The following SYNE2 variants were observed in gnomAD, a reference collection of about 807,000 sequenced individuals.
SYNE2 encodes spectrin repeat containing nuclear envelope protein 2.
In SYNE2, 431 loss-of-function variants were observed where a neutral mutation model predicts 856.3. That is an observed-to-expected ratio of 0.50 (90% confidence interval 0.47 to 0.55). The LOEUF (loss-of-function observed/expected upper bound fraction) is 0.55, where lower values mean the gene tolerates loss of function less well. SYNE2 is among the 20% of genes least tolerant of loss of function. SYNE2 has a pLI of 0.00. For missense variants in SYNE2, 8,129 were observed against 8,023.2 expected (o/e 1.01, Z -0.50); for synonymous variants, 2,923 against 2,872.3 (o/e 1.02, Z -0.56).
At chr14:63,776,197 A>T (rs970080490) in intron 1 of SYNE2, among the ~76,000 whole-genome samples, 3 of 152,232 alleles carry the variant, frequency 2.0e-5, no homozygotes, top group Non-Finnish European at 4.4e-5. Flanking sequence ...CAACAATCAG[A>T]TAAATTATTG....
At chr14:64,085,872 GAGTTGTA>G (rs1237282469) in intron 57 of SYNE2, among the ~76,000 whole-genome samples, 1 of 152,102 alleles carries the variant, frequency 6.6e-6, no homozygotes, top group Non-Finnish European at 1.5e-5. Flanking sequence ...TCTTCTTGTT[GAGTTGTA>G]AGTTTTTTGT....
At chr14:64,085,958 TG>T (rs1463687656) in intron 57 of SYNE2, among the ~76,000 whole-genome samples, 1 of 152,222 alleles carries the variant, frequency 6.6e-6, no homozygotes, top group Non-Finnish European at 1.5e-5. Context: ...GTCTGCGGCT[TG>T]TCTTTTCATT....
At chr14:63,843,168 C>T (rs763771786) in intron 1 of SYNE2, among the ~76,000 whole-genome samples, 2 of 152,040 alleles carry the variant, frequency 1.3e-5, no homozygotes, top group Non-Finnish European at 2.9e-5. Flanking sequence ...TTTGGAGTAG[C>T]TGGGGCTATA....
intron 1 of SYNE2, among the ~76,000 whole-genome samples, chr14:63,826,076 A>C (rs558118336): frequency 4.1e-4 from 62 of 152,316 alleles, no homozygotes; most frequent in African/African-American, 1.3e-3. Flanking sequence ...CAAGGAACCC[A>C]GAATAGTGAA....
rs113437021 is a variant in SYNE2, at chr14:64,085,566, T to C, written c.11485-2105T>C. On this transcript the variant is annotated intron_variant, in intron 57 of 115. Coordinates refer to ENST00000555002, the MANE Select transcript of SYNE2 (RefSeq NM_182914.3). ...AAAGTAGGATCTCTGACTTTTACGATGTGTTTAAATAAATAATAAACTGAG... is the reference window on the plus strand; with the variant it reads ...AAAGTAGGATCTCTGACTTTTACGACGTGTTTAAATAAATAATAAACTGAG... Among the ~76,000 whole-genome samples the C allele has an allele frequency of 3.7e-3, 568 of 152,366 alleles. 2 individuals carry two copies. The highest frequency in any genetic ancestry group is 0.013 in the African/African-American group (541 of 41,588).
intron 1 of SYNE2, among the ~76,000 whole-genome samples, chr14:63,832,879 A>G (rs1889720391): frequency 6.6e-6 from 1 of 150,518 alleles, no homozygotes; most frequent in Non-Finnish European, 1.5e-5. Flanking sequence ...AAAAAAAAAA[A>G]AAAAAAAAAA....
intron 64 of SYNE2, among the ~76,000 whole-genome samples, chr14:64,107,179 C>T (rs1178094032): frequency 6.6e-6 from 1 of 152,112 alleles, no homozygotes; most frequent in Middle Eastern, 3.2e-3. Flanking sequence ...TTCATAAGGA[C>T]ATACTTTTAA....
chr14:63,884,443 CAAA>C (rs2140762326), intron 1 of SYNE2, among the ~76,000 whole-genome samples: 1 of 152,200 alleles, frequency 6.6e-6, no homozygotes, highest in East Asian at 1.9e-4. Context: ...GAACTGGATA[CAAA>C]GAAGAAAGCG....
intron 38 of SYNE2, chr14:64,023,429 G>A (rs1218887279): frequency 6.5e-6 from 1 of 152,826 alleles, no homozygotes; most frequent in African/African-American, 2.4e-5. Context: ...TTAATTTAGT[G>A]TCCACTGGGG....
chr14:63,946,647 A>G (rs1381604714), intron 6 of SYNE2, among the ~76,000 whole-genome samples: 1 of 137,222 alleles, frequency 7.3e-6, no homozygotes, highest in African/African-American at 2.9e-5. Context: ...TGTAATATAT[A>G]TGATATAATA....
intron 50 of SYNE2, among the ~76,000 whole-genome samples, chr14:64,064,295 A>G (rs572893847): frequency 3.3e-5 from 5 of 152,204 alleles, no homozygotes; most frequent in Non-Finnish European, 7.3e-5. Flanking sequence ...CATATACAGC[A>G]TGATGTGCTG....
intron 65 of SYNE2, among the ~76,000 whole-genome samples, chr14:64,111,323 A>G (rs1302274895): frequency 6.6e-6 from 1 of 152,218 alleles, no homozygotes; most frequent in Non-Finnish European, 1.5e-5. Context: ...AGATTAATTA[A>G]TATTAATAGA....
Position 64,163,348 on chromosome 14 carries a change from G to A in SYNE2, c.16300-54G>A, listed in dbSNP as rs563054815. On this transcript the variant is annotated intron_variant, in intron 88 of 115. Coordinates refer to ENST00000555002, the MANE Select transcript of SYNE2 (RefSeq NM_182914.3). ...TTTTGATGGAGCAGCAGCGGGTAGG[G>A]AATTGTGGTTTGAAAGGAGGAAGAG... The A allele has an allele frequency of 1.6e-4, 255 of 1,599,350 alleles. 3 individuals are homozygous for A. The highest frequency in any genetic ancestry group is 1.5e-3 in the South Asian group (133 of 90,360).
chr14:64,063,248 A>G (rs1432983573), intron 50 of SYNE2, among the ~76,000 whole-genome samples: 5 of 152,080 alleles, frequency 3.3e-5, no homozygotes, highest in South Asian at 4.1e-4. Context: ...GGGTTTCACA[A>G]TGTTGACCAG....
intron 66 of SYNE2, among the ~76,000 whole-genome samples, chr14:64,117,017 A>G (rs546916366): frequency 1.3e-5 from 2 of 152,330 alleles, no homozygotes; most frequent in Non-Finnish European, 2.9e-5. Flanking sequence ...GAATCTATAG[A>G]GGACATAAGT....
intron 1 of SYNE2, among the ~76,000 whole-genome samples, chr14:63,834,221 G>A (rs1167040634): frequency 6.6e-6 from 1 of 151,998 alleles, no homozygotes; most frequent in African/African-American, 2.4e-5. Flanking sequence ...ATATTAACCA[G>A]GTGTGGGGGC....
At chr14:63,773,602 A>G (rs899374053) in intron 1 of SYNE2, among the ~76,000 whole-genome samples, 1 of 152,152 alleles carries the variant, frequency 6.6e-6, no homozygotes, top group African/African-American at 2.4e-5. Flanking sequence ...CCGTGCTAGA[A>G]TATAGTGATT....
chr14:63,867,381 TAAA>T (rs561880955), intron 1 of SYNE2, among the ~76,000 whole-genome samples: 5 of 129,468 alleles, frequency 3.9e-5, no homozygotes, highest in Non-Finnish European at 3.3e-5. Context: ...TTCCTCCTCT[TAAA>T]AAAAAAAAAA....
At chr14:63,990,652 G>A (rs951702595) in intron 20 of SYNE2, 83 bp downstream of exon 20, 34 of 1,199,310 alleles carry the variant, frequency 2.8e-5, no homozygotes, top group African/African-American at 7.6e-5. Flanking sequence ...GGGGGTGATA[G>A]CCCTGTAGCT....
Sources: gnomAD v4.1 joint callset for allele counts (sites outside exome capture counted in the v4.1 genomes callset) on GRCh38, gnomAD v4.1.1 for gene constraint, MANE v1.5 for transcripts, NCBI Gene and HGNC (gene_info 2026-07-23, HGNC 2026-07-21) for gene names.